The following PASD1 variants were observed in gnomAD, a reference collection of about 807,000 sequenced individuals.
The protein encoded by PASD1 is circadian clock protein PASD1.
Under a neutral mutation model 58.8 loss-of-function variants are expected in PASD1, and 13 were observed. The observed-to-expected ratio is 0.22, with a 90% CI of 0.14 to 0.35. PASD1 has a LOEUF of 0.35. PASD1 is among the 10% of genes least tolerant of loss of function. The pLI is 1.00. For missense variants in PASD1, 734 were observed against 568.3 expected (o/e 1.29, Z -2.96); for synonymous variants, 236 against 216.7 (o/e 1.09, Z -0.78).
chrX:151,570,321 C>T (rs1156879141), intron 1 of PASD1, among the ~76,000 whole-genome samples: 1 of 112,150 alleles, frequency 8.9e-6, no homozygotes, highest in Non-Finnish European at 1.9e-5. Flanking sequence ...ATGTTCACAG[C>T]CATGTAAAAT....
In PASD1 at chrX:151,660,062, T is replaced by C. The variant is rs79458317; in HGVS notation, c.841+226T>C. 1.6e-4 allele frequency among the ~76,000 whole-genome samples: 18 copies of C among 112,300 alleles called. No individual in the cohort carries two copies. The East Asian group carries it at 4.7e-3, about 30-fold the overall frequency. The stretch of plus-strand genomic sequence containing the variant: ...TCTTTTCTCCTATTTAATTTTAATC[T>C]TCTAAAAATTGGCGCTGGATCTCAA... On this transcript the variant is annotated intron_variant, in intron 10 of 15. Coordinates refer to ENST00000370357, the MANE Select transcript of PASD1 (RefSeq NM_173493.3).
chrX:151,613,929 T>C (rs897743231), intron 4 of PASD1, among the ~76,000 whole-genome samples: 3 of 111,344 alleles, frequency 2.7e-5, no homozygotes, highest in African/African-American at 9.8e-5. Context: ...GCCCAATCTC[T>C]GCTTCATAGA....
Position 151,672,270 on chromosome X carries a change from G to T in PASD1, c.1525G>T (p.Val509Leu), listed in dbSNP as rs41312626. The T allele has an allele frequency of 8.6e-7, 1 of 1,167,583 alleles. No individual in the cohort carries two copies. Among genetic ancestry groups the T allele is most frequent in the East Asian group, 3.2e-5 (1 of 30,793 alleles). ...QLQQLREQRK[V>L]QKQKKMQEKK... is the part of the protein sequence containing the mutation. ...GCAACAGCTGAGAGAGCAAAGGAAG[G>T]TGCAGAAGCAGAAGAAGATGCAGGA... Residue 509 changes from valine to leucine, a missense_variant, in exon 14 of 16, where the codon GTG becomes TTG. By Grantham distance (32) the Val-to-Leu change is conservative. Coordinates refer to ENST00000370357, the MANE Select transcript of PASD1 (RefSeq NM_173493.3).
At chrX:151,574,834 A>G (rs1003294304) in intron 1 of PASD1, among the ~76,000 whole-genome samples, 2 of 111,968 alleles carry the variant, frequency 1.8e-5, no homozygotes, top group African/African-American at 6.5e-5. Flanking sequence ...ATTAAAAAAT[A>G]GAGACGAGGT....
intron 9 of PASD1, among the ~76,000 whole-genome samples, chrX:151,650,677 G>T (rs1175596548): frequency 9.0e-6 from 1 of 111,591 alleles, no homozygotes; most frequent in African/African-American, 3.3e-5. Context: ...CCTGAAACGG[G>T]CAAAAATAAA....
At chrX:151,583,574 TA>T (rs2013126319) in intron 1 of PASD1, among the ~76,000 whole-genome samples, 1 of 112,103 alleles carries the variant, frequency 8.9e-6, no homozygotes, top group Non-Finnish European at 1.9e-5. Flanking sequence ...CATAATTAAT[TA>T]AAAAACTGGC....
At position 151,623,026 on chromosome X, in the gene PASD1, G is replaced by C; in HGVS notation, c.508G>C (p.Val170Leu). 1.7e-6 allele frequency: 2 copies of C among 1,209,466 alleles called. No homozygotes were observed. The change falls in exon 7 of 16, where the codon GTG becomes CTG. Residue 170 changes from valine (V) to leucine (L), a missense_variant. Coordinates refer to ENST00000370357, the MANE Select transcript of PASD1 (RefSeq NM_173493.3). ...TCCTCAGGAGGATCGGCTTTATCTT[G>C]TGGGAAATGTTTGCATTCTCAGGAC... ...CVPQEDRLYL[V>L]GNVCILRTQL... is the part of the protein sequence containing the mutation.
chrX:151,648,573 G>A (rs747999866), intron 8 of PASD1, 42 bp from the exon 9 acceptor site: 7 of 1,114,394 alleles, frequency 6.3e-6, no homozygotes, highest in South Asian at 2.0e-5. Flanking sequence ...TTTAAATGGC[G>A]AGTGAGATAT....
rs2014489901 is a variant in PASD1 at position 151,672,419 on chromosome X, AGAG to A, written c.1681_1683del (p.Glu561del). On this transcript the variant is annotated inframe_deletion, in exon 14 of 16. Transcript: ENST00000370357. Reference sequence around the variant, plus strand: ...AGGGGCAGATGCTACAGAAAGAGCCAGAGGAGGAGCAGCAGAAGCAGCAGCTGC... The same window carrying A: ...AGGGGCAGATGCTACAGAAAGAGCCAGAGGAGCAGCAGAAGCAGCAGCTGC... 3 of 1,211,666 alleles carry A rather than the reference AGAG, an allele frequency of 2.5e-6. No individual in the cohort carries two copies. Among genetic ancestry groups the A allele is most frequent in the Non-Finnish European group, 3.4e-6 (3 of 895,410 alleles).
At chrX:151,605,865 C>T (rs888082683) in intron 3 of PASD1, among the ~76,000 whole-genome samples, 1 of 111,926 alleles carries the variant, frequency 8.9e-6, no homozygotes, top group East Asian at 2.8e-4. Context: ...GGATTACATG[C>T]GTGAGCCACT....
rs543552057 is a variant in PASD1 at position 151,651,556 on chromosome X, A to T, written c.717+2854A>T. On this transcript the variant is annotated intron_variant, in intron 9 of 15. Transcript: ENST00000370357. The stretch of plus-strand genomic sequence containing the variant: ...ACTTGCAAATGAGAGTCCAGGACAA[A>T]CCTGATTTAGGGAATAATCATGAGA... 1.6e-4 allele frequency among the ~76,000 whole-genome samples: 18 copies of T among 111,886 alleles called. No homozygotes were observed. In the South Asian group the frequency reaches 6.1e-3, roughly 38 times the overall value.
chrX:151,574,344 A>C (rs1205020300), intron 1 of PASD1, among the ~76,000 whole-genome samples: 1 of 112,081 alleles, frequency 8.9e-6, no homozygotes, highest in Non-Finnish European at 1.9e-5. Context: ...GCAGACAGGG[A>C]GAAATCAGAC....
At chrX:151,622,538 A>G (rs2013726165) in intron 6 of PASD1, among the ~76,000 whole-genome samples, 1 of 109,474 alleles carries the variant, frequency 9.1e-6, no homozygotes, top group African/African-American at 3.3e-5. Flanking sequence ...TTGGAAATTA[A>G]AAGTCATACC....
chrX:151,611,884 T>G (rs904553920), intron 4 of PASD1, 131 bp downstream of exon 4: 3 of 418,352 alleles, frequency 7.2e-6, no homozygotes, highest in Non-Finnish European at 1.2e-5. Context: ...TTGTTTCATA[T>G]GGATACATGT....
chrX:151,659,767 A>T lies in PASD1; in HGVS notation c.772A>T (p.Met258Leu). 8.3e-7 allele frequency: 1 copy of T among 1,201,764 alleles called. No homozygotes were observed. Among genetic ancestry groups the T allele is most frequent in the Non-Finnish European group, 1.1e-6 (1 of 886,522 alleles). The change falls in exon 10 of 16, where the codon ATG becomes TTG. Residue 258 changes from methionine (M) to leucine (L), a missense_variant. Coordinates refer to ENST00000370357, the MANE Select transcript of PASD1 (RefSeq NM_173493.3). ...GTATGGACCACAAGAAAACGTTCAC[A>T]TGTTTGTAGATTCTGATTCAACTTA... ...EQYGPQENVH[M>L]FVDSDSTYCS...
chrX:151,590,620 G>A (rs973177169), intron 1 of PASD1, among the ~76,000 whole-genome samples: 7 of 110,815 alleles, frequency 6.3e-5, no homozygotes, highest in African/African-American at 2.0e-4. Context: ...TCACTCTGTC[G>A]CCCAGGCTGG....
chrX:151,632,161 TG>T (rs1338173663), intron 8 of PASD1, among the ~76,000 whole-genome samples: 1 of 110,305 alleles, frequency 9.1e-6, no homozygotes, highest in African/African-American at 3.3e-5. Flanking sequence ...GGAATGTTAT[TG>T]GGGGGAAGTT....
chrX:151,639,686 G>C (rs767718703), intron 8 of PASD1, among the ~76,000 whole-genome samples: 3 of 111,718 alleles, frequency 2.7e-5, no homozygotes, highest in Non-Finnish European at 5.6e-5. Context: ...ACTTTGCCTT[G>C]AGATCACAGA....
chrX:151,566,894 C>A (rs910579225), intron 1 of PASD1, among the ~76,000 whole-genome samples: 8 of 108,572 alleles, frequency 7.4e-5, no homozygotes, highest in African/African-American at 2.7e-4. Flanking sequence ...TGGAAAAACC[C>A]CGTCTCTACT....
Sources: allele counts gnomAD v4.1 joint callset (sites outside exome capture counted in the v4.1 genomes callset), GRCh38; gene constraint gnomAD v4.1.1; transcripts MANE v1.5; gene names NCBI Gene and HGNC (gene_info 2026-07-23, HGNC 2026-07-21).